Variants in AP4E1 observed in about 807,000 individuals in gnomAD.
AP4E1 encodes adaptor related protein complex 4 subunit epsilon 1, also known as AP-4 complex subunit epsilon-1.
A neutral mutation model predicts 128.2 loss-of-function variants in AP4E1; 56 were observed. The observed-to-expected ratio is 0.44, with a 90% CI of 0.35 to 0.55. The LOEUF (loss-of-function observed/expected upper bound fraction) is 0.55. Ranked by LOEUF, AP4E1 falls within the 20% of genes least tolerant of loss-of-function variation. AP4E1 has a pLI of 0.00. For missense variants in AP4E1, 1,324 were observed against 1,307.7 expected (o/e 1.01, Z -0.19); for synonymous variants, 484 against 473.1 (o/e 1.02, Z -0.30).
intron 13 of AP4E1, among the ~76,000 whole-genome samples, chr15:50,952,707 C>T (rs1197057486): frequency 1.3e-5 from 2 of 151,898 alleles, no homozygotes; most frequent in Non-Finnish European, 2.9e-5. Context: ...TAATGAACCC[C>T]ACTTTCTTTT....
At chr15:50,916,771 C>T (rs1196515290) in intron 3 of AP4E1, among the ~76,000 whole-genome samples, 1 of 152,128 alleles carries the variant, frequency 6.6e-6, no homozygotes, top group Non-Finnish European at 1.5e-5. Context: ...TCTCTCTTTC[C>T]ATATTCCAAA....
chr15:50,908,868 G>A lies in AP4E1; in HGVS notation c.90G>A (p.Ala30=), dbSNP rs757519956. ...QPGGGPAAAK[A]SFSSRLGSLV... is the part of the protein sequence containing the mutation. ...GTGGTGGGCCCGCGGCCGCCAAGGC[G>A]TCCTTCTCCTCGAGGCTGGGCAGCC... is the stretch of plus-strand genomic sequence containing the variant. Residue 30 remains alanine, a synonymous_variant, in exon 1 of 21, where the codon GCG becomes GCA. Transcript: ENST00000261842. The A allele has an allele frequency of 5.6e-6, 9 of 1,610,158 alleles. No individual in the cohort carries two copies. The highest frequency in any genetic ancestry group is 7.6e-6 in the Non-Finnish European group (9 of 1,179,116).
Position 50,941,584 on chromosome 15 carries a change from T to C in AP4E1, c.1066+20T>C. 2 of 1,612,840 alleles carry C rather than the reference T, an allele frequency of 1.2e-6. No individual in the cohort carries two copies. Among genetic ancestry groups the C allele is most frequent in the Non-Finnish European group, 1.7e-6 (2 of 1,179,394 alleles). ...ATTTAGGTAAGATGATTGGTTCTTT[T>C]GACAGAAATTACAGAGATAGCTTTT... is the stretch of plus-strand genomic sequence containing the variant. On this transcript the variant is annotated intron_variant, in intron 9 of 20. Coordinates refer to ENST00000261842, the MANE Select transcript of AP4E1 (RefSeq NM_007347.5).
At chr15:50,957,805 TA>T (rs2064249858) in intron 13 of AP4E1, among the ~76,000 whole-genome samples, 1 of 151,468 alleles carries the variant, frequency 6.6e-6, no homozygotes, top group South Asian at 2.1e-4. Flanking sequence ...GCCTCCTGAG[TA>T]GCTGAGACTC....
At chr15:50,989,835 A>G (rs375194148) in intron 16 of AP4E1, among the ~76,000 whole-genome samples, 1 of 152,186 alleles carries the variant, frequency 6.6e-6, no homozygotes, top group Non-Finnish European at 1.5e-5. Flanking sequence ...ATTATATAAT[A>G]TATCCTGCAG....
Position 50,999,062 on chromosome 15 carries a change from C to T in AP4E1, c.2905-10C>T. ...TCCTTCTTCAACACTTTTATTACTT[C>T]TATTTGCAGGTGACTGAGCAACCTG... On this transcript the variant is annotated splice_polypyrimidine_tract_variant and intron_variant, in intron 18 of 20. Coordinates refer to ENST00000261842, the MANE Select transcript of AP4E1 (RefSeq NM_007347.5). 1 of 1,613,620 alleles carries T rather than the reference C, an allele frequency of 6.2e-7. No individual in the cohort carries two copies. Among genetic ancestry groups the T allele is most frequent in the Non-Finnish European group, 8.5e-7 (1 of 1,179,700 alleles).
chr15:50,958,941 A>G (rs2064272099), intron 14 of AP4E1, 147 bp downstream of exon 14: 1 of 904,912 alleles, frequency 1.1e-6, no homozygotes, highest in South Asian at 1.5e-5. Context: ...CATTAGTATG[A>G]CAGGGAATCT....
intron 3 of AP4E1, among the ~76,000 whole-genome samples, chr15:50,922,924 C>A (rs2063724465): frequency 6.6e-6 from 1 of 152,008 alleles, no homozygotes; most frequent in South Asian, 2.1e-4. Flanking sequence ...ACTACAGGTG[C>A]CCGCCACCAC....
At chr15:50,908,970 A>G in intron 1 of AP4E1, 42 bp downstream of exon 1, 1 of 1,605,910 alleles carries the variant, frequency 6.2e-7, no homozygotes, top group Non-Finnish European at 8.5e-7. Flanking sequence ...CATCGGAGTG[A>G]GGCCCCCGCG....
intron 1 of AP4E1, 109 bp from the exon 2 acceptor site, chr15:50,911,969 G>T (rs1166551966): frequency 3.3e-6 from 3 of 904,774 alleles, no homozygotes; most frequent in Non-Finnish European, 5.3e-6. Context: ...TTAAAATAAT[G>T]TTTCTTTTAA....
rs1417661316 is a variant in AP4E1 at position 50,969,654 on chromosome 15, A to ATCTT, written c.1966+1283_1966+1286dup. 2.7e-5 allele frequency among the ~76,000 whole-genome samples: 4 copies of ATCTT among 147,472 alleles called. No individual in the cohort carries two copies. The Admixed American group carries it at 2.8e-4, about 10-fold the overall frequency. ...TTTCTTTGTGTTGGGAACATTCAATATCTTTCTTTTTTTTTTTTTTTTTAG... is the reference window on the plus strand; with the variant it reads ...TTTCTTTGTGTTGGGAACATTCAATATCTTTCTTTCTTTTTTTTTTTTTTTTTAG... On this transcript the variant is annotated intron_variant, in intron 15 of 20. Coordinates refer to ENST00000261842, the MANE Select transcript of AP4E1 (RefSeq NM_007347.5).
At chr15:50,951,645 T>C (rs967821741) in intron 13 of AP4E1, among the ~76,000 whole-genome samples, 4 of 152,186 alleles carry the variant, frequency 2.6e-5, no homozygotes, top group African/African-American at 4.8e-5. Flanking sequence ...TAAAAATTTT[T>C]CTTTTCTCAT....
At chr15:50,961,817 C>T (rs952542488) in intron 14 of AP4E1, among the ~76,000 whole-genome samples, 11 of 151,828 alleles carry the variant, frequency 7.2e-5, no homozygotes, top group Non-Finnish European at 1.5e-4. Flanking sequence ...CAAATTGTCC[C>T]TTTTTGCAGA....
Position 50,972,948 on chromosome 15 carries a change from C to T in AP4E1, c.1966+4571C>T, listed in dbSNP as rs1028546422. Among the ~76,000 whole-genome samples, 5 of 152,098 alleles carry T rather than the reference C, an allele frequency of 3.3e-5. No homozygotes were observed. The East Asian group carries it at 5.8e-4, about 18-fold the overall frequency. On this transcript the variant is annotated intron_variant, in intron 15 of 20. Transcript: ENST00000261842. ...ATTTCTCAAGTGTATTAGAATTCTTCGTTCAACAAAATATCTGATGATTTA... is the reference window on the plus strand; with the variant it reads ...ATTTCTCAAGTGTATTAGAATTCTTTGTTCAACAAAATATCTGATGATTTA...
Position 51,004,637 on chromosome 15 carries a change from G to A in AP4E1, c.*1975G>A, listed in dbSNP as rs928950240. 3.9e-5 allele frequency: 6 copies of A among 152,734 alleles called. No homozygotes were observed. In the East Asian group the frequency reaches 9.6e-4, roughly 25 times the overall value. The allele number at this position is 152,734 out of a possible 1,614,324, so 9.5% of individuals were successfully genotyped here. A position where few individuals can be genotyped will look rare whatever the true frequency, so the allele number is the denominator to read the frequency against. On this transcript the variant is annotated 3_prime_UTR_variant, in exon 21 of 21. Transcript: ENST00000261842. ...TTTTGGGTCTGCCCAAAGGAACATGGTGTCACTTTTGTTCTTTCTGACCCA... is the reference window on the plus strand; with the variant it reads ...TTTTGGGTCTGCCCAAAGGAACATGATGTCACTTTTGTTCTTTCTGACCCA...
At chr15:50,999,033 C>T in intron 18 of AP4E1, 39 bp from the exon 19 acceptor site, 1 of 1,584,600 alleles carries the variant, frequency 6.3e-7, no homozygotes, top group East Asian at 2.2e-5. Flanking sequence ...CTGTATTGAT[C>T]CCTTCCTTCT....
At position 50,993,395 on chromosome 15, in the gene AP4E1, A is replaced by G. The variant is rs772072799; in HGVS notation, c.2116A>G (p.Ile706Val). 15 of 1,613,864 alleles carry G rather than the reference A, an allele frequency of 9.3e-6. No individual in the cohort carries two copies. Among genetic ancestry groups the G allele is most frequent in the Admixed American group, 1.7e-5 (1 of 59,980 alleles). ...GACAAATAGCTTGAAGCTGGAAGGT[A>G]TAAAGAAATTGTGGGGGAAAGAAGG... ...KETNSLKLEG[I>V]KKLWGKEGYL... The change falls in exon 17 of 21, where the codon ATA becomes GTA. Residue 706 changes from isoleucine to valine, a missense_variant. By Grantham distance (29) the Ile-to-Val change is conservative (BLOSUM62 3). Transcript: ENST00000261842.
intron 14 of AP4E1, among the ~76,000 whole-genome samples, chr15:50,967,874 A>G (rs1237695946): frequency 6.6e-6 from 1 of 152,216 alleles, no homozygotes; most frequent in Non-Finnish European, 1.5e-5. Flanking sequence ...GTACAGTGGC[A>G]CAGTCTCGGC....
Position 50,908,768 on chromosome 15 carries a change from C to T in AP4E1, c.-11C>T, listed in dbSNP as rs1223191493. 11 of 1,522,568 alleles carry T rather than the reference C, an allele frequency of 7.2e-6. No homozygotes were observed. The highest frequency in any genetic ancestry group is 1.2e-5 in the South Asian group (1 of 80,140). The allele number at this position is 1,522,568 out of a possible 1,614,324, so 94.3% of individuals were successfully genotyped here. A position where few individuals can be genotyped will look rare whatever the true frequency, so the allele number is the denominator to read the frequency against. ...TCGCGGGCGGCGGCGGCATCGCGGG[C>T]GGCGGCGGCGATGAGCGACATAGTG... On this transcript the variant is annotated 5_prime_UTR_variant, in exon 1 of 21. Transcript: ENST00000261842.
Sources: gnomAD v4.1 joint callset for allele counts (sites outside exome capture counted in the v4.1 genomes callset) on GRCh38, gnomAD v4.1.1 for gene constraint, MANE v1.5 for transcripts, NCBI Gene and HGNC (gene_info 2026-07-23, HGNC 2026-07-21) for gene names.